Variants in EFTUD2 observed in about 807,000 individuals in gnomAD.
EFTUD2 encodes the protein elongation factor Tu GTP binding domain containing 2, also known as 116 kDa U5 small nuclear ribonucleoprotein component.
A neutral mutation model predicts 114.3 loss-of-function variants in EFTUD2; 9 were observed. The ratio of observed to expected loss-of-function variants is 0.08; its 90% confidence interval spans 0.05 to 0.14. The LOEUF is 0.14. Among genes scored for constraint, EFTUD2 ranks in the 10% least tolerant of loss-of-function variants. EFTUD2 has a pLI of 1.00. For missense variants in EFTUD2, 765 were observed against 1,241.2 expected (o/e 0.62, Z 5.76); for synonymous variants, 449 against 462.3 (o/e 0.97, Z 0.37).
rs559050241 is a variant in EFTUD2 at position 44,850,919 on chromosome 17, A to C, written c.*355T>G. The C allele has an allele frequency of 1.3e-5, 4 of 299,892 alleles. No individual in the cohort carries two copies. Among genetic ancestry groups the C allele is most frequent in the Non-Finnish European group, 2.6e-5 (4 of 156,702 alleles). 18.6% of individuals were successfully genotyped at this position (299,892 alleles called of 1,614,324 possible). Reference sequence around the variant, plus strand: ...AGGAGCAGAGCAAGACAGAGGTCAGAATGTTCTGTTCACTTGCAAACCATG... The same window carrying C: ...AGGAGCAGAGCAAGACAGAGGTCAGCATGTTCTGTTCACTTGCAAACCATG... On this transcript the variant is annotated 3_prime_UTR_variant, in exon 28 of 28. Coordinates refer to ENST00000426333, the MANE Select transcript of EFTUD2 (RefSeq NM_004247.4).
At chr17:44,875,206 A>T (rs928581070) in intron 10 of EFTUD2, among the ~76,000 whole-genome samples, 1 of 151,890 alleles carries the variant, frequency 6.6e-6, no homozygotes, top group Non-Finnish European at 1.5e-5. Context: ...CTACAAAAAA[A>T]ATATAAATAA....
intron 26 of EFTUD2, 101 bp from the exon 27 acceptor site, chr17:44,851,918 C>T: frequency 9.6e-7 from 1 of 1,042,272 alleles, no homozygotes; most frequent in Non-Finnish European, 1.4e-6. Context: ...AAATTTATTA[C>T]TTATTATTAT....
At chr17:44,871,384 G>T (rs913892203) in intron 11 of EFTUD2, among the ~76,000 whole-genome samples, 1 of 149,398 alleles carries the variant, frequency 6.7e-6, no homozygotes, top group Non-Finnish European at 1.5e-5. Flanking sequence ...CTGTCGCCCA[G>T]GCTGGAGTGC....
At position 44,881,716 on chromosome 17, in the gene EFTUD2, A is replaced by G; in HGVS notation, c.499T>C (p.Tyr167His). ...IRKRYDQDLC[Y>H]TDILFTEQER... ...TGCTCTGTGAAGAGGATGTCAGTAT[A>G]GCACAGCTGAAAAAAAATTAACTGT... The change falls in exon 7 of 28, where the codon TAT becomes CAT. Residue 167 changes from tyrosine (Y) to histidine (H), a missense_variant. Tyr to His is a moderately conservative substitution (Grantham distance 83). Around this residue, in one of 6 missense-constraint regions of EFTUD2, gnomAD observed 251 missense variants for 357.7 expected, o/e 0.70. Transcript: ENST00000426333. 1 of 1,614,182 alleles carries G rather than the reference A, an allele frequency of 6.2e-7. No individual in the cohort carries two copies. The highest frequency in any genetic ancestry group is 8.5e-7 in the Non-Finnish European group (1 of 1,180,008).
intron 1 of EFTUD2, 48 bp from the exon 2 acceptor site, chr17:44,894,573 C>A: frequency 7.0e-7 from 1 of 1,438,574 alleles, no homozygotes; most frequent in Non-Finnish European, 9.8e-7. Context: ...GTAATCAAGG[C>A]CTTCATGTGG....
chr17:44,860,377 G>A (rs1454193856), intron 17 of EFTUD2, 55 bp downstream of exon 17: 4 of 1,225,750 alleles, frequency 3.3e-6, no homozygotes, highest in African/African-American at 3.0e-5. Flanking sequence ...GCTCATGTGT[G>A]TCCCTGGGAC....
Position 44,867,810 on chromosome 17 carries a change from G to T in EFTUD2, c.1146C>A (p.Ala382=), listed in dbSNP as rs999481210. ...FILEPLYKIL[A]QVVGDVDTSL... Reference sequence around the variant, plus strand: ...CAGTGTGACCTGACACACTCACCTGGGCGAGGATCTTATAAAGAGGCTCCA... The same window carrying T: ...CAGTGTGACCTGACACACTCACCTGTGCGAGGATCTTATAAAGAGGCTCCA... The change falls in exon 13 of 28, where the codon GCC becomes GCA. Residue 382 remains alanine (A), a synonymous_variant. Transcript: ENST00000426333. 1.3e-6 allele frequency: 2 copies of T among 1,591,332 alleles called. No individual in the cohort carries two copies. The highest frequency in any genetic ancestry group is 2.7e-5 in the African/African-American group (2 of 74,344).
In EFTUD2 at chr17:44,854,968, C is replaced by T; in HGVS notation, c.2082G>A (p.Lys694=). 2 of 1,614,208 alleles carry T rather than the reference C, an allele frequency of 1.2e-6. No individual in the cohort carries two copies. The highest frequency in any genetic ancestry group is 1.7e-6 in the Non-Finnish European group (2 of 1,180,036). Residue 694 remains lysine, a synonymous_variant, in exon 21 of 28, where the codon AAG becomes AAA. Transcript: ENST00000426333. The surrounding 1 kb of genome is among the most constrained non-coding windows in gnomAD (Gnocchi z 4.3). The stretch of plus-strand genomic sequence containing the variant: ...CATTCTCTATGTCCTCTGCCAGGCC[C>T]TTCTCAAGAGGCTCAGCAATCATGG... ...KITMIAEPLE[K]GLAEDIENEV...
chr17:44,889,053 C>T (rs1301268814), intron 2 of EFTUD2, among the ~76,000 whole-genome samples: 1 of 152,158 alleles, frequency 6.6e-6, no homozygotes, highest in Non-Finnish European at 1.5e-5. Flanking sequence ...AATGAGGAAG[C>T]AGCAGCAAAG....
chr17:44,862,664 C>A (rs776097842), intron 16 of EFTUD2, 49 bp downstream of exon 16: 286 of 1,548,182 alleles, frequency 1.8e-4, no homozygotes, highest in Non-Finnish European at 2.4e-4. Context: ...TTGGGGGCAG[C>A]CCCTGGATAG....
intron 14 of EFTUD2, 103 bp downstream of exon 14, chr17:44,864,827 C>A: frequency 6.6e-7 from 1 of 1,512,386 alleles, no homozygotes; most frequent in Non-Finnish European, 8.9e-7. Flanking sequence ...TTGAAAAGAT[C>A]CTCAGATTTC....
chr17:44,852,982 G>A (rs1016904280), intron 25 of EFTUD2, among the ~76,000 whole-genome samples: 2 of 151,298 alleles, frequency 1.3e-5, no homozygotes, highest in African/African-American at 2.5e-5. Context: ...CTGGGTTCAC[G>A]CCATTCTCCT....
At chr17:44,887,644 A>G (rs2051198357) in intron 2 of EFTUD2, among the ~76,000 whole-genome samples, 2 of 152,182 alleles carry the variant, frequency 1.3e-5, no homozygotes, top group South Asian at 4.1e-4. Context: ...ATCTATATAG[A>G]CAGAAAGCAG....
intron 11 of EFTUD2, among the ~76,000 whole-genome samples, chr17:44,870,675 C>T (rs2050832726): frequency 6.6e-6 from 1 of 152,074 alleles, no homozygotes; most frequent in South Asian, 2.1e-4. Context: ...TGTTTTTTCT[C>T]ATGATTTTCT....
intron 26 of EFTUD2, 37 bp from the exon 27 acceptor site, chr17:44,851,854 A>G: frequency 6.4e-7 from 1 of 1,563,492 alleles, no homozygotes; most frequent in Non-Finnish European, 8.7e-7. Context: ...CCCAGGCAGA[A>G]TTCCCAGAAG....
intron 19 of EFTUD2, among the ~76,000 whole-genome samples, chr17:44,858,416 G>T (rs950985360): frequency 6.6e-6 from 1 of 151,762 alleles, no homozygotes; most frequent in African/African-American, 2.4e-5. Context: ...TTATTTTTTA[G>T]TTTTTTGAGA....
rs538466286 is a variant in EFTUD2 at position 44,854,174 on chromosome 17, C to T, written c.2347+95G>A. 117 of 1,446,938 alleles carry T rather than the reference C, an allele frequency of 8.1e-5. No individual in the cohort carries two copies. The Middle Eastern group carries it at 2.7e-3, about 34-fold the overall frequency. The allele number at this position is 1,446,938 out of a possible 1,614,324, so 89.6% of individuals were successfully genotyped here. ...GTCCTGTGTACCCCAAGCTGCTTCT[C>T]CTGCCGAATCCTAAAGATGGTGAGC... is the stretch of plus-strand genomic sequence containing the variant. On this transcript the variant is annotated intron_variant, in intron 23 of 27. Coordinates refer to ENST00000426333, the MANE Select transcript of EFTUD2 (RefSeq NM_004247.4). The surrounding 1 kb of genome is among the most constrained non-coding windows in gnomAD (Gnocchi z 4.3).
At chr17:44,897,215 C>CAAAA (rs60766041) in intron 1 of EFTUD2, among the ~76,000 whole-genome samples, 42 of 66,302 alleles carry the variant, frequency 6.3e-4, no homozygotes, top group East Asian at 8.3e-4. Context: ...GACTCCGTCT[C>CAAAA]AAAAAAAAAA....
intron 7 of EFTUD2, 114 bp downstream of exon 7, chr17:44,881,573 G>T: frequency 9.1e-7 from 1 of 1,095,012 alleles, no homozygotes; most frequent in Non-Finnish European, 1.4e-6. Context: ...AGTGGAGAGA[G>T]AGGAGTAGGA....
Sources: allele counts gnomAD v4.1 joint callset (sites outside exome capture counted in the v4.1 genomes callset), GRCh38; gene constraint gnomAD v4.1.1; regional missense constraint gnomAD v4.1.1; non-coding constraint Gnocchi (gnomAD v3.1); transcripts MANE v1.5; gene names NCBI Gene and HGNC (gene_info 2026-07-23, HGNC 2026-07-21).